The following INVS variants were observed in gnomAD, a reference collection of about 807,000 sequenced individuals.
INVS encodes the protein inversion of embryo turning homolog.
Under a neutral mutation model 108.8 loss-of-function variants are expected in INVS, and 86 were observed. The ratio of observed to expected loss-of-function variants is 0.79; its 90% CI spans 0.66 to 0.95. The LOEUF (loss-of-function observed/expected upper bound fraction) is 0.95, where lower values mean the gene tolerates loss of function less well. Among genes scored for constraint, INVS ranks in the 40% least tolerant of loss-of-function variants. INVS has a pLI of 0.00. For synonymous variants in INVS, 455 were observed against 473.5 expected (o/e 0.96, Z 0.51); for missense variants, 1,169 against 1,297.4 (o/e 0.90, Z 1.52).
chr9:100,231,256 A>G (rs1318882146), intron 5 of INVS, among the ~76,000 whole-genome samples: 1 of 152,176 alleles, frequency 6.6e-6, no homozygotes, highest in Non-Finnish European at 1.5e-5. Context: ...CTCTGATACT[A>G]AAAGTATTAT....
At chr9:100,267,268 A>C (rs1290783259) in intron 11 of INVS, among the ~76,000 whole-genome samples, 1 of 152,222 alleles carries the variant, frequency 6.6e-6, no homozygotes, top group East Asian at 1.9e-4. Flanking sequence ...ATTACAGACC[A>C]AAAGACCAAA....
chr9:100,252,382 CA>C lies in INVS; in HGVS notation c.1179del (p.Leu394PhefsTer12), dbSNP rs1179722122. 1.2e-6 allele frequency: 2 copies of C among 1,613,982 alleles called. No individual in the cohort carries two copies. The highest frequency in any genetic ancestry group is 1.7e-6 in the Non-Finnish European group (2 of 1,179,892). On this transcript the variant is annotated frameshift_variant, in exon 9 of 17. Transcript: ENST00000262457. LOFTEE classifies it high-confidence loss of function. Reference protein sequence around the residue: ...VDATDVMKHTPLFRACEMGHK... With the variant: ...VDATDVMKHTXLFRACEMGHK... ...GCTACTGATGTTATGAAACATACTC[CA>C]CTTTTCCGAGCCTGTGAGATGGGAC...
At chr9:100,215,764 T>C (rs1588094676) in intron 3 of INVS, among the ~76,000 whole-genome samples, 1 of 152,076 alleles carries the variant, frequency 6.6e-6, no homozygotes, top group South Asian at 2.1e-4. Flanking sequence ...AAAATGTCTA[T>C]GGTGGAAAGG....
intron 3 of INVS, among the ~76,000 whole-genome samples, chr9:100,179,428 T>A: frequency 1.4e-5 from 2 of 144,654 alleles, no homozygotes; most frequent in Non-Finnish European, 1.5e-5. Flanking sequence ...AGGCTGAAAA[T>A]AAAGGGATAG....
At chr9:100,113,140 A>C (rs1258286050) in intron 2 of INVS, among the ~76,000 whole-genome samples, 10 of 152,230 alleles carry the variant, frequency 6.6e-5, no homozygotes, top group Non-Finnish European at 1.5e-4. Flanking sequence ...TTCAGTTTAA[A>C]TAAATCTTTA....
intron 10 of INVS, among the ~76,000 whole-genome samples, chr9:100,260,945 T>C (rs1832602113): frequency 6.6e-6 from 1 of 152,216 alleles, no homozygotes; most frequent in South Asian, 2.1e-4. Context: ...CAATCGTTTA[T>C]TAATATGATT....
At chr9:100,262,651 A>AC (rs1564181671) in intron 10 of INVS, among the ~76,000 whole-genome samples, 1 of 151,508 alleles carries the variant, frequency 6.6e-6, no homozygotes, top group East Asian at 1.9e-4. Context: ...AAAAAAAAAA[A>AC]AAAAAAAAAA....
intron 3 of INVS, chr9:100,175,477 G>T: frequency 3.6e-6 from 3 of 825,528 alleles, no homozygotes; most frequent in Non-Finnish European, 6.3e-6. Context: ...CTCAGTGATA[G>T]ATTTCAGAGA....
At chr9:100,231,048 G>A (rs1453282229) in intron 5 of INVS, among the ~76,000 whole-genome samples, 1 of 152,032 alleles carries the variant, frequency 6.6e-6, no homozygotes, top group Non-Finnish European at 1.5e-5. Context: ...TGATATTTTT[G>A]ATCATTGATT....
chr9:100,255,955 G>A (rs1046933612), intron 10 of INVS, among the ~76,000 whole-genome samples: 1 of 152,054 alleles, frequency 6.6e-6, no homozygotes, highest in Non-Finnish European at 1.5e-5. Flanking sequence ...GATTCCCTCT[G>A]TTTCTATTGA....
rs141109039 is a variant in INVS at position 100,246,621 on chromosome 9, G to C, written c.912G>C (p.Thr304=). ...HYAAQSNFAE[T]VKVFLKHPSV... ...TAAATCAAGTTTTCTTACAGGAAACGGTTAAAGTGTTTTTAAAACATCCTT... is the reference window on the plus strand; with the variant it reads ...TAAATCAAGTTTTCTTACAGGAAACCGTTAAAGTGTTTTTAAAACATCCTT... Residue 304 remains threonine, a synonymous_variant, in exon 8 of 17, where the codon ACG becomes ACC. Transcript: ENST00000262457. The C allele has an allele frequency of 6.2e-7, 1 of 1,612,604 alleles. No individual in the cohort carries two copies. The highest frequency in any genetic ancestry group is 1.1e-5 in the South Asian group (1 of 91,026).
intron 3 of INVS, among the ~76,000 whole-genome samples, chr9:100,194,832 T>A (rs1320890213): frequency 6.6e-6 from 1 of 152,120 alleles, no homozygotes; most frequent in Non-Finnish European, 1.5e-5. Flanking sequence ...TCAGGCCTGG[T>A]AGGAATGAGT....
At chr9:100,272,721 T>C in intron 11 of INVS, 143 bp from the exon 12 acceptor site, 1 of 764,608 alleles carries the variant, frequency 1.3e-6, no homozygotes, top group Non-Finnish European at 2.2e-6. Flanking sequence ...ATAGCCCTGT[T>C]ATAGAGAAGG....
At chr9:100,124,779 T>C (rs1827834105) in intron 2 of INVS, among the ~76,000 whole-genome samples, 1 of 152,218 alleles carries the variant, frequency 6.6e-6, no homozygotes, top group Admixed American at 6.5e-5. Flanking sequence ...TTTAAATTAA[T>C]ATTTTCCAAA....
At chr9:100,100,225 A>AT (rs556371534) in intron 1 of INVS, among the ~76,000 whole-genome samples, 262 of 151,724 alleles carry the variant, frequency 1.7e-3, no homozygotes, top group African/African-American at 6.1e-3. Context: ...CAAAAAATAC[A>AT]TTTTTTCTTA....
At chr9:100,238,131 A>G (rs770805439) in intron 5 of INVS, among the ~76,000 whole-genome samples, 31 of 152,078 alleles carry the variant, frequency 2.0e-4, no homozygotes, top group Non-Finnish European at 3.1e-4. Context: ...CACCTACGTC[A>G]GCCTCCCAAA....
intron 7 of INVS, 114 bp downstream of exon 7, chr9:100,242,793 A>T: frequency 1.5e-6 from 1 of 688,814 alleles, no homozygotes; most frequent in South Asian, 1.6e-5. Flanking sequence ...TGTACCCTTC[A>T]CCTAGTTCAC....
chr9:100,186,078 C>T (rs989531836), intron 3 of INVS, among the ~76,000 whole-genome samples: 2 of 152,104 alleles, frequency 1.3e-5, no homozygotes, highest in South Asian at 2.1e-4. Context: ...ATTGCTGGAT[C>T]AAATGGGTCA....
Position 100,273,096 on chromosome 9 carries a change from A to ATTGCGT in INVS, c.1784+23_1784+28dup, listed in dbSNP as rs1320262339. On this transcript the variant is annotated intron_variant, in intron 12 of 16. Transcript: ENST00000262457. The stretch of plus-strand genomic sequence containing the variant: ...TGCCAAGTAAGTATGAGCTACGCAG[A>ATTGCGT]TTGCGTTTTCGCCACCCAGAATCAG... The ATTGCGT allele has an allele frequency of 6.3e-7, 1 of 1,597,652 alleles. No individual in the cohort carries two copies. The highest frequency in any genetic ancestry group is 8.6e-7 in the Non-Finnish European group (1 of 1,166,118).
Sources: gnomAD v4.1 joint callset for allele counts (sites outside exome capture counted in the v4.1 genomes callset) on GRCh38, gnomAD v4.1.1 for gene constraint, MANE v1.5 for transcripts, NCBI Gene and HGNC (gene_info 2026-07-23, HGNC 2026-07-21) for gene names.